NHS: variants seen among roughly 807,000 people sequenced by gnomAD.
NHS encodes the protein actin remodeling regulator NHS.
A neutral mutation model predicts 72.5 loss-of-function variants in NHS; 5 were observed. The observed-to-expected ratio is 0.07, with a 90% CI of 0.04 to 0.14. The LOEUF is 0.14. Among genes scored for constraint, NHS ranks in the 10% least tolerant of loss-of-function variants. The probability of loss-of-function intolerance (pLI) is 1.00; values close to 1 mark genes in which losing one functional copy is unlikely to be tolerated. For missense variants in NHS, 1,072 were observed against 1,355.7 expected (o/e 0.79, Z 3.29); for synonymous variants, 464 against 547.7 (o/e 0.85, Z 2.13).
At chrX:17,657,387 G>A (rs2065961847) in intron 1 of NHS, among the ~76,000 whole-genome samples, 1 of 84,712 alleles carries the variant, frequency 1.2e-5, no homozygotes, top group Non-Finnish European at 2.3e-5. Context: ...GTTTTTCACA[G>A]CTGCTTGTGA....
chrX:17,652,588 G>A (rs968007584), intron 1 of NHS, among the ~76,000 whole-genome samples: 2 of 111,741 alleles, frequency 1.8e-5, no homozygotes, highest in African/African-American at 6.5e-5. Flanking sequence ...GGGGATGGTG[G>A]TGTGGGGATA....
intron 1 of NHS, among the ~76,000 whole-genome samples, chrX:17,421,620 A>G (rs1276367874): frequency 1.6e-4 from 18 of 110,402 alleles, no homozygotes; most frequent in Non-Finnish European, 7.6e-5. Context: ...TCTGTCGCCC[A>G]TGCTGGAGTG....
intron 1 of NHS, among the ~76,000 whole-genome samples, chrX:17,384,930 T>A (rs749474141): frequency 7.0e-4 from 79 of 112,057 alleles, no homozygotes; most frequent in Non-Finnish European, 1.4e-3. Flanking sequence ...GAACAAACAA[T>A]CACAAAAATT....
intron 1 of NHS, among the ~76,000 whole-genome samples, chrX:17,615,119 CACACATATACATAT>C (rs1569293976): frequency 6.4e-5 from 6 of 94,459 alleles, no homozygotes; most frequent in African/African-American, 2.3e-4. Context: ...TATATATATA[CACACATATACATAT>C]GTGTGTATAT....
chrX:17,723,770 T>TGTGTGTGTGTGCGC lies in NHS; in HGVS notation c.1109-528_1109-527insTGTGTGTGTGCGCG, dbSNP rs541219770. On this transcript the variant is annotated intron_variant, in intron 5 of 8. Transcript: ENST00000676302. ...GTGTGTGTGTGTGTGTGTGTGTGTG[T>TGTGTGTGTGTGCGC]GCGCGCGCGTGCGCGCATGGGGAAT... 2.2e-3 allele frequency among the ~76,000 whole-genome samples: 199 copies of TGTGTGTGTGTGCGC among 91,279 alleles called. 1 individual carries two copies. The highest frequency in any genetic ancestry group is 3.0e-3 in the Non-Finnish European group (144 of 48,429). The allele number at this position is 91,279 out of a possible 115,157, so 79.3% of individuals were successfully genotyped here.
intron 4 of NHS, 77 bp from the exon 5 acceptor site, chrX:17,721,364 T>C (rs1489244122): frequency 9.3e-7 from 1 of 1,072,098 alleles, no homozygotes; most frequent in Non-Finnish European, 1.3e-6. Context: ...TTTTTTCTTC[T>C]CTAAACTAGG....
intron 1 of NHS, among the ~76,000 whole-genome samples, chrX:17,552,774 C>G (rs2065343184): frequency 9.0e-6 from 1 of 111,730 alleles, no homozygotes; most frequent in Non-Finnish European, 1.9e-5. Context: ...ATTCTAGATC[C>G]TTCATGTTCA....
At chrX:17,637,324 G>A (rs552804120) in intron 1 of NHS, among the ~76,000 whole-genome samples, 16 of 111,990 alleles carry the variant, frequency 1.4e-4, no homozygotes, top group African/African-American at 4.9e-4. Flanking sequence ...AGAATAGCTC[G>A]ACCCAGTTTT....
At chrX:17,635,080 T>C (rs764201583) in intron 1 of NHS, among the ~76,000 whole-genome samples, 2 of 111,856 alleles carry the variant, frequency 1.8e-5, no homozygotes, top group South Asian at 7.5e-4. Flanking sequence ...CACATGGCAC[T>C]TGGCAGAGCT....
intron 1 of NHS, among the ~76,000 whole-genome samples, chrX:17,657,603 T>C (rs1036320134): frequency 7.1e-5 from 8 of 112,322 alleles, no homozygotes; most frequent in African/African-American, 2.6e-4. Flanking sequence ...GGATGCTGAG[T>C]GCTGGTCCAT....
At chrX:17,395,070 T>C (rs901502895) in intron 1 of NHS, among the ~76,000 whole-genome samples, 5 of 110,673 alleles carry the variant, frequency 4.5e-5, no homozygotes, top group African/African-American at 1.6e-4. Context: ...TCCTCTGCTC[T>C]ACCCTGCTTC....
chrX:17,601,648 G>T (rs1390279540), intron 1 of NHS, among the ~76,000 whole-genome samples: 1 of 111,902 alleles, frequency 8.9e-6, no homozygotes, highest in Non-Finnish European at 1.9e-5. Flanking sequence ...GAAATCTTGT[G>T]TGGAAATTCA....
intron 1 of NHS, among the ~76,000 whole-genome samples, chrX:17,593,629 A>G (rs999298492): frequency 1.8e-5 from 2 of 111,319 alleles, no homozygotes; most frequent in Non-Finnish European, 3.8e-5. Flanking sequence ...AGAATAAACG[A>G]CTTATCAGTG....
chrX:17,527,783 A>G (rs2065180169), intron 1 of NHS, among the ~76,000 whole-genome samples: 1 of 111,133 alleles, frequency 9.0e-6, no homozygotes, highest in Admixed American at 9.5e-5. Flanking sequence ...AAGTTTGATA[A>G]GATATCTGGT....
chrX:17,430,259 T>TTCTC (rs1165667840), intron 1 of NHS, among the ~76,000 whole-genome samples: 14 of 51,570 alleles, frequency 2.7e-4, no homozygotes, highest in Admixed American at 5.2e-4. Flanking sequence ...CCCTCTTTCT[T>TTCTC]TTTCTTTCTT....
At chrX:17,639,525 C>T (rs891327388) in intron 1 of NHS, among the ~76,000 whole-genome samples, 1 of 110,879 alleles carries the variant, frequency 9.0e-6, no homozygotes, top group South Asian at 3.9e-4. Context: ...GGGGTTGCAC[C>T]GAGAGCCAAA....
chrX:17,568,623 T>C (rs1360971841), intron 1 of NHS, among the ~76,000 whole-genome samples: 1 of 101,690 alleles, frequency 9.8e-6, no homozygotes, highest in Non-Finnish European at 2.0e-5. Flanking sequence ...CTTCATGTAA[T>C]AGATCAGTAT....
intron 8 of NHS, among the ~76,000 whole-genome samples, chrX:17,731,054 C>T (rs1409783446): frequency 9.0e-6 from 1 of 110,784 alleles, no homozygotes; most frequent in Non-Finnish European, 1.9e-5. Flanking sequence ...AGGGCCAATC[C>T]TGTCCCACCC....
intron 1 of NHS, among the ~76,000 whole-genome samples, chrX:17,613,279 A>G (rs2065719761): frequency 9.0e-6 from 1 of 111,335 alleles, no homozygotes; most frequent in Admixed American, 9.5e-5. Flanking sequence ...AGGCTGAGGC[A>G]GGAGAATCGC....
Sources: allele counts gnomAD v4.1 joint callset (sites outside exome capture counted in the v4.1 genomes callset), GRCh38; gene constraint gnomAD v4.1.1; transcripts MANE v1.5; gene names NCBI Gene and HGNC (gene_info 2026-07-23, HGNC 2026-07-21).